The following RAB3IP variants were observed in gnomAD, a reference collection of about 807,000 sequenced individuals.
RAB3IP encodes the protein rab-3A-interacting protein.
A neutral mutation model predicts 59.1 loss-of-function variants in RAB3IP; 36 were observed. The ratio of observed to expected loss-of-function variants is 0.61; its 90% CI spans 0.47 to 0.80. The LOEUF (loss-of-function observed/expected upper bound fraction) is 0.80, where lower values mean the gene tolerates loss of function less well. RAB3IP is among the 30% of genes least tolerant of loss of function. The probability of loss-of-function intolerance (pLI) is 0.00; values close to 1 mark genes in which losing one functional copy is unlikely to be tolerated. For synonymous variants in RAB3IP, 207 were observed against 191.2 expected, an observed-to-expected ratio of 1.08 and a Z score of -0.68; for missense variants, 511 against 536.0, an observed-to-expected ratio of 0.95 and a Z score of 0.46.
chr12:69,807,365 C>T (rs576237874), intron 8 of RAB3IP, among the ~76,000 whole-genome samples: 34 of 139,012 alleles, frequency 2.4e-4, no homozygotes, highest in Middle Eastern at 5.6e-3. Flanking sequence ...AGGGCAGAGG[C>T]GCTTCCCACC....
chr12:69,747,608 T>C (rs1423262419), intron 1 of RAB3IP, among the ~76,000 whole-genome samples: 1 of 152,218 alleles, frequency 6.6e-6, no homozygotes, highest in Non-Finnish European at 1.5e-5. Context: ...ACCTGTCATC[T>C]CCATTTTTAG....
intron 8 of RAB3IP, among the ~76,000 whole-genome samples, chr12:69,804,599 G>A (rs138804353): frequency 6.6e-6 from 1 of 152,146 alleles, no homozygotes; most frequent in Admixed American, 6.6e-5. Flanking sequence ...GTATTGCGTA[G>A]GTTTTCTTCT....
chr12:69,809,229 T>C (rs1302259775), intron 8 of RAB3IP, among the ~76,000 whole-genome samples: 6 of 151,944 alleles, frequency 3.9e-5, no homozygotes, highest in East Asian at 3.8e-4. Flanking sequence ...ATATTGGCCC[T>C]CACTCTCTTC....
intron 3 of RAB3IP, among the ~76,000 whole-genome samples, chr12:69,771,602 C>T (rs537726026): frequency 5.3e-5 from 8 of 152,016 alleles, no homozygotes; most frequent in South Asian, 2.1e-4. Flanking sequence ...AATAGTGCTG[C>T]GGTAAACTTG....
intron 8 of RAB3IP, among the ~76,000 whole-genome samples, chr12:69,802,382 T>C (rs1387825808): frequency 6.7e-6 from 1 of 150,124 alleles, no homozygotes; most frequent in Non-Finnish European, 1.5e-5. Context: ...TGAGTCTTAC[T>C]TGAGAATTAC....
upstream of RAB3IP, chr12:69,738,821 G>T (rs1393275614): frequency 6.7e-6 from 1 of 149,686 alleles, no homozygotes; most frequent in African/African-American, 2.4e-5. Flanking sequence ...CGTGAGGACC[G>T]GCCGCTCCCG....
At position 69,817,167 on chromosome 12, in the gene RAB3IP, G is replaced by T. The variant is rs1881216302; in HGVS notation, c.*1721G>T. ...AAAGGTAATCAAATACTCAGAAAAA[G>T]TTTGTTGATGACTTAAAAAGGATAA... On this transcript the variant is annotated 3_prime_UTR_variant, in exon 11 of 11. Transcript: ENST00000247833. 6.6e-6 allele frequency: 1 copy of T among 152,108 alleles called. No homozygotes were observed. Among genetic ancestry groups the T allele is most frequent in the Non-Finnish European group, 1.5e-5 (1 of 68,002 alleles). 9.4% of individuals were successfully genotyped at this position (152,108 alleles called of 1,614,324 possible).
At chr12:69,766,141 T>C (rs891988989) in intron 3 of RAB3IP, among the ~76,000 whole-genome samples, 1 of 152,250 alleles carries the variant, frequency 6.6e-6, no homozygotes, top group Non-Finnish European at 1.5e-5. Flanking sequence ...CCTGTGACGA[T>C]CTTCATTTTG....
At chr12:69,814,153 G>A (rs543794131) in intron 10 of RAB3IP, among the ~76,000 whole-genome samples, 1 of 152,240 alleles carries the variant, frequency 6.6e-6, no homozygotes, top group Admixed American at 6.5e-5. Flanking sequence ...ATTTAAGCCA[G>A]AGAACAGAAA....
chr12:69,756,625 T>C lies in RAB3IP; in HGVS notation c.472T>C (p.Tyr158His). ...TGTTTTGGAAGTTAGAGAAAAGGGC[T>C]ATGAACGATTAAAAGAAGAACTCGC... ...PSVLEVREKGYERLKEELAKA... is the reference protein window; with the variant it reads ...PSVLEVREKGHERLKEELAKA... Residue 158 changes from tyrosine to histidine, a missense_variant, in exon 3 of 11, where the codon TAT becomes CAT. By Grantham distance (83) the Tyr-to-His change is moderately conservative (BLOSUM62 2). Transcript: ENST00000247833. 6.2e-7 allele frequency: 1 copy of C among 1,613,902 alleles called. No individual in the cohort carries two copies. The highest frequency in any genetic ancestry group is 8.5e-7 in the Non-Finnish European group (1 of 1,179,860).
At position 69,769,078 on chromosome 12, in the gene RAB3IP, C is replaced by A. The variant is rs531914168; in HGVS notation, c.510+12415C>A. On this transcript the variant is annotated intron_variant, in intron 3 of 10. Transcript: ENST00000247833. ...ATGGGGGGTAGTTTCCCTGCTCAAT[C>A]TCTCTTCTGTTGTCTGCCACCATGT... is the stretch of plus-strand genomic sequence containing the variant. Among the ~76,000 whole-genome samples the A allele has an allele frequency of 2.6e-5, 4 of 152,106 alleles. No homozygotes were observed. The South Asian group carries it at 6.2e-4, about 24-fold the overall frequency.
At chr12:69,755,339 A>C (rs544925201) in intron 1 of RAB3IP, 45 bp from the exon 2 acceptor site, 17 of 1,457,402 alleles carry the variant, frequency 1.2e-5, no homozygotes, top group Non-Finnish European at 1.5e-5. Flanking sequence ...TTAGTTTTAA[A>C]TGTTATTATC....
intron 10 of RAB3IP, among the ~76,000 whole-genome samples, chr12:69,813,503 T>C (rs1178725980): frequency 6.6e-6 from 1 of 152,178 alleles, no homozygotes; most frequent in African/African-American, 2.4e-5. Context: ...TGAGGATAAT[T>C]CTGAATGGAA....
At chr12:69,758,164 G>A (rs543513367) in intron 3 of RAB3IP, among the ~76,000 whole-genome samples, 1 of 152,250 alleles carries the variant, frequency 6.6e-6, no homozygotes, top group East Asian at 1.9e-4. Context: ...CTTAAGAGAG[G>A]CCATTTTCTA....
At chr12:69,744,314 AT>A in intron 1 of RAB3IP, among the ~76,000 whole-genome samples, 1 of 152,170 alleles carries the variant, frequency 6.6e-6, no homozygotes, top group East Asian at 1.9e-4. Flanking sequence ...ATTACAAATA[AT>A]TATTTGTAAT....
intron 8 of RAB3IP, among the ~76,000 whole-genome samples, chr12:69,804,415 G>C (rs558099704): frequency 5.3e-5 from 8 of 152,162 alleles, no homozygotes; most frequent in African/African-American, 1.7e-4. Context: ...AGATGAGTAG[G>C]TTGCAAAAAT....
Position 69,813,008 on chromosome 12 carries a change from G to T in RAB3IP, c.1275G>T (p.Gln425His), listed in dbSNP as rs369426318. 3.1e-6 allele frequency: 5 copies of T among 1,612,708 alleles called. No homozygotes were observed. In the African/African-American group the frequency reaches 6.7e-5, roughly 22 times the overall value. ...CNFFTYIRYI[Q>H]QGLVKQQDVD... ...TTTTTACATACATTCGATACATTCAGCAGGGACTCGTGAAACAGCAGGATG... is the reference window on the plus strand; with the variant it reads ...TTTTTACATACATTCGATACATTCATCAGGGACTCGTGAAACAGCAGGATG... Residue 425 changes from glutamine (Q) to histidine (H), a missense_variant, in exon 10 of 11, where the codon CAG becomes CAT. By Grantham distance (24) the Gln-to-His change is conservative. Coordinates refer to ENST00000247833, the MANE Select transcript of RAB3IP (RefSeq NM_022456.5).
At chr12:69,762,756 C>CAAAAAAAAAAAAAAAAAAAA (rs11445702) in intron 3 of RAB3IP, among the ~76,000 whole-genome samples, 1 of 76,758 alleles carries the variant, frequency 1.3e-5, no homozygotes, top group African/African-American at 5.4e-5. Context: ...GACTCCGTCT[C>CAAAAAAAAAAAAAAAAAAAA]AAAAAAAAAA....
chr12:69,767,206 G>A (rs552396545), intron 3 of RAB3IP, among the ~76,000 whole-genome samples: 14 of 150,330 alleles, frequency 9.3e-5, no homozygotes, highest in Middle Eastern at 3.4e-3. Context: ...GGGTGTGACT[G>A]TAGAGAATTC....
Sources: allele counts gnomAD v4.1 joint callset (sites outside exome capture counted in the v4.1 genomes callset), GRCh38; gene constraint gnomAD v4.1.1; transcripts MANE v1.5; gene names NCBI Gene and HGNC (gene_info 2026-07-23, HGNC 2026-07-21).